Variants in GRAMD1B observed in about 807,000 individuals in gnomAD.
The protein encoded by GRAMD1B is protein Aster-B.
Under a neutral mutation model 99.7 loss-of-function variants are expected in GRAMD1B, and 37 were observed. That is an observed-to-expected ratio of 0.37 (90% CI 0.29 to 0.49). GRAMD1B has a LOEUF of 0.49. GRAMD1B is among the 20% of genes least tolerant of loss of function. The pLI, the probability that GRAMD1B is intolerant of heterozygous loss-of-function variation, is 0.98. For missense variants in GRAMD1B, 888 were observed against 1,009.2 expected (o/e 0.88, Z 1.63); for synonymous variants, 427 against 387.6 (o/e 1.10, Z -1.19).
At chr11:123,488,803 G>C (rs535349504) in intron 2 of GRAMD1B, among the ~76,000 whole-genome samples, 5 of 152,314 alleles carry the variant, frequency 3.3e-5, no homozygotes, top group Non-Finnish European at 7.3e-5. Context: ...CAGTGAAAGA[G>C]CGATGCTCAA....
intron 14 of GRAMD1B, among the ~76,000 whole-genome samples, chr11:123,611,116 G>A (rs1293970774): frequency 2.6e-5 from 4 of 152,264 alleles, no homozygotes; most frequent in Admixed American, 1.3e-4. Flanking sequence ...GTAAAAGGTC[G>A]CACAGAGATC....
chr11:123,606,966 C>T (rs1229378513), intron 11 of GRAMD1B, among the ~76,000 whole-genome samples, 168 bp downstream of exon 11: 1 of 152,156 alleles, frequency 6.6e-6, no homozygotes, highest in Non-Finnish European at 1.5e-5. Context: ...TGTTTTCAGT[C>T]ATTTGCTGTA....
chr11:123,532,310 C>T (rs1461601084), intron 2 of GRAMD1B, among the ~76,000 whole-genome samples: 1 of 152,152 alleles, frequency 6.6e-6, no homozygotes, highest in Non-Finnish European at 1.5e-5. Flanking sequence ...GGGAGGAAGG[C>T]GTGGCTCTTA....
At chr11:123,403,701 G>A (rs61904737) in intron 1 of GRAMD1B, among the ~76,000 whole-genome samples, 18,325 of 151,234 alleles carry the variant, frequency 0.12, 1,426 homozygotes, top group African/African-American at 0.23. Flanking sequence ...GCACAACCAC[G>A]CTCAGCTAAT....
rs1955440584 is a variant in GRAMD1B at position 123,625,376 on chromosome 11, A to G, written c.*2781A>G. 6.6e-6 allele frequency: 1 copy of G among 152,236 alleles called. No homozygotes were observed. The highest frequency in any genetic ancestry group is 1.5e-5 in the Non-Finnish European group (1 of 68,048). 9.4% of individuals were successfully genotyped at this position (152,236 alleles called of 1,614,324 possible). On this transcript the variant is annotated 3_prime_UTR_variant, in exon 20 of 20. Transcript: ENST00000635736. ...TTTGAGAGTTTGCACTCAATTTTAA[A>G]GAATTTGCAGTTTCTAACAAGGTGA...
At chr11:123,402,085 G>C (rs775153629) in intron 1 of GRAMD1B, among the ~76,000 whole-genome samples, 1 of 152,142 alleles carries the variant, frequency 6.6e-6, no homozygotes, top group Non-Finnish European at 1.5e-5. Context: ...GTGCAATCTT[G>C]GCTCACTGCA....
In GRAMD1B at chr11:123,600,513, A is replaced by G; in HGVS notation, c.1015A>G (p.Met339Val). ...FGARDRTYMM[M>V]FRLWQNALLE... ...GGCCCGGGATAGGACATATATGATG[A>G]TGTTCCGGCTCTGGCAGAATGCTCT... The change falls in exon 8 of 20, where the codon ATG (methionine) becomes GTG (valine). Residue 339 changes from methionine to valine, a missense_variant. Coordinates refer to ENST00000635736, the MANE Select transcript of GRAMD1B (RefSeq NM_001387025.1). 6.2e-7 allele frequency: 1 copy of G among 1,613,064 alleles called. No homozygotes were observed. The highest frequency in any genetic ancestry group is 8.5e-7 in the Non-Finnish European group (1 of 1,179,252).
chr11:123,527,260 A>G (rs1390102715), intron 2 of GRAMD1B, among the ~76,000 whole-genome samples: 1 of 152,178 alleles, frequency 6.6e-6, no homozygotes. Flanking sequence ...GATTTGAGGC[A>G]TGGGGTCCTA....
chr11:123,521,275 A>G (rs1942176852), intron 2 of GRAMD1B, among the ~76,000 whole-genome samples: 1 of 152,168 alleles, frequency 6.6e-6, no homozygotes, highest in African/African-American at 2.4e-5. Flanking sequence ...CCAGAGTTCC[A>G]ATTTATATTT....
chr11:123,384,458 A>G (rs1181654697), intron 1 of GRAMD1B, among the ~76,000 whole-genome samples: 1 of 151,882 alleles, frequency 6.6e-6, no homozygotes, highest in African/African-American at 2.4e-5. Context: ...TGCCCAGGTA[A>G]CCCCCTTCCC....
chr11:123,621,657 C>T (rs1477588010), intron 19 of GRAMD1B, among the ~76,000 whole-genome samples: 4 of 152,116 alleles, frequency 2.6e-5, no homozygotes, highest in African/African-American at 7.2e-5. Flanking sequence ...GATTCCTGGG[C>T]GGGGAGAACA....
intron 2 of GRAMD1B, among the ~76,000 whole-genome samples, chr11:123,506,316 T>C (rs1940420167): frequency 6.6e-6 from 1 of 152,082 alleles, no homozygotes; most frequent in Non-Finnish European, 1.5e-5. Context: ...TTAGGGAACT[T>C]GGTGCTTGTG....
chr11:123,429,905 T>C (rs1948786793), upstream of GRAMD1B, among the ~76,000 whole-genome samples: 1 of 152,100 alleles, frequency 6.6e-6, no homozygotes, highest in South Asian at 2.1e-4. The surrounding 1 kb of genome is among the most constrained non-coding windows in gnomAD (Gnocchi z 4.0). Flanking sequence ...AAGAGCTAGT[T>C]GAAAAGTCTC....
At chr11:123,504,123 C>T (rs1028677862) in intron 2 of GRAMD1B, among the ~76,000 whole-genome samples, 3 of 152,098 alleles carry the variant, frequency 2.0e-5, no homozygotes, top group Non-Finnish European at 2.9e-5. Flanking sequence ...GTTGCGGGGG[C>T]GGTCTCAGGA....
chr11:123,387,217 G>T (rs759983757), intron 1 of GRAMD1B, among the ~76,000 whole-genome samples: 4 of 152,136 alleles, frequency 2.6e-5, no homozygotes, highest in Non-Finnish European at 5.9e-5. Context: ...AAGAAGTATC[G>T]TCTGGCTTCA....
chr11:123,614,765 A>G lies in GRAMD1B; in HGVS notation c.2248A>G (p.Ile750Val). Reference sequence around the variant, plus strand: ...CACAGGTTCCACACAGACGCGGCATATCCCGGAGGACACCCCCAACGGTTT... The same window carrying G: ...CACAGGTTCCACACAGACGCGGCATGTCCCGGAGGACACCCCCAACGGTTT... Reference protein sequence around the residue: ...HVAGSTQTRHIPEDTPNGFHL... With the variant: ...HVAGSTQTRHVPEDTPNGFHL... Residue 750 changes from isoleucine to valine, a missense_variant, in exon 17 of 20, where the codon ATC becomes GTC. Physicochemically the swap from Ile to Val is conservative, Grantham distance 29 (BLOSUM62 3). Around this residue, in one of 5 missense-constraint regions of GRAMD1B, gnomAD observed 232 missense variants for 261.7 expected, o/e 0.89. Coordinates refer to ENST00000635736, the MANE Select transcript of GRAMD1B (RefSeq NM_001387025.1). 3 of 1,611,798 alleles carry G rather than the reference A, an allele frequency of 1.9e-6. No individual in the cohort carries two copies. The highest frequency in any genetic ancestry group is 1.7e-5 in the Admixed American group (1 of 60,006).
intron 2 of GRAMD1B, among the ~76,000 whole-genome samples, chr11:123,503,322 C>T (rs1367778843): frequency 2.0e-5 from 3 of 152,110 alleles, no homozygotes; most frequent in Non-Finnish European, 4.4e-5. Context: ...GCGATTGTGC[C>T]TGGAGATGGT....
At position 123,608,758 on chromosome 11, in the gene GRAMD1B, A is replaced by G; in HGVS notation, c.1613A>G (p.Asn538Ser). 4.5e-6 allele frequency: 7 copies of G among 1,551,742 alleles called. No individual in the cohort carries two copies. Among genetic ancestry groups the G allele is most frequent in the Non-Finnish European group, 6.1e-6 (7 of 1,147,146 alleles). ...VDKLYDLLFT[N>S]SPFQRDFMEQ... is the part of the protein sequence containing the mutation. The stretch of plus-strand genomic sequence containing the variant: ...AAGCTCTATGACCTCCTCTTCACCA[A>G]CTCGCCCTTCCAGCGGGATTTCATG... Residue 538 changes from asparagine to serine, a missense_variant, in exon 12 of 20, where the codon AAC becomes AGC. By Grantham distance (46) the Asn-to-Ser change is conservative (BLOSUM62 1). Transcript: ENST00000635736.
chr11:123,503,218 T>TA (rs1940068833), intron 2 of GRAMD1B, among the ~76,000 whole-genome samples: 1 of 152,192 alleles, frequency 6.6e-6, no homozygotes, highest in Non-Finnish European at 1.5e-5. Flanking sequence ...GTGGCAGCCT[T>TA]ATGCAGTCAT....
Sources: allele counts gnomAD v4.1 joint callset (sites outside exome capture counted in the v4.1 genomes callset), GRCh38; gene constraint gnomAD v4.1.1; regional missense constraint gnomAD v4.1.1; non-coding constraint Gnocchi (gnomAD v3.1); transcripts MANE v1.5; gene names NCBI Gene and HGNC (gene_info 2026-07-23, HGNC 2026-07-21).